Variants in EHBP1 observed in about 807,000 individuals in gnomAD.
EHBP1 encodes the protein EH domain binding protein 1.
In EHBP1, 55 loss-of-function variants were observed where a neutral mutation model predicts 144.0. The ratio of observed to expected loss-of-function variants is 0.38; its 90% CI spans 0.31 to 0.48. The LOEUF is 0.48. EHBP1 is among the 20% of genes least tolerant of loss of function. The pLI is 0.98. For missense variants in EHBP1, 1,200 were observed against 1,364.2 expected (o/e 0.88, Z 1.90); for synonymous variants, 469 against 472.7 (o/e 0.99, Z 0.10).
At chr2:62,690,316 C>T (rs1373240413) in intron 1 of EHBP1, among the ~76,000 whole-genome samples, 1 of 152,146 alleles carries the variant, frequency 6.6e-6, no homozygotes, top group Non-Finnish European at 1.5e-5. Flanking sequence ...GTAATCCCTG[C>T]ACTTTGAGAG....
intron 2 of EHBP1, among the ~76,000 whole-genome samples, chr2:62,725,847 G>T (rs1380966932): frequency 6.6e-6 from 1 of 152,138 alleles, no homozygotes; most frequent in Non-Finnish European, 1.5e-5. Flanking sequence ...GTGTGGGGAG[G>T]AAGCAGGTAG....
At chr2:63,028,540 C>A (rs906922797) in intron 19 of EHBP1, among the ~76,000 whole-genome samples, 13 of 151,960 alleles carry the variant, frequency 8.6e-5, no homozygotes, top group African/African-American at 3.1e-4. Context: ...GTACCTGATA[C>A]TACAGGCATG....
chr2:62,835,878 C>A (rs2047193878), intron 7 of EHBP1, among the ~76,000 whole-genome samples: 1 of 152,164 alleles, frequency 6.6e-6, no homozygotes, highest in Non-Finnish European at 1.5e-5. Context: ...GCACAGCAGT[C>A]TGAGATCAAA....
At chr2:62,722,055 T>C (rs2036275535) in intron 2 of EHBP1, among the ~76,000 whole-genome samples, 1 of 152,202 alleles carries the variant, frequency 6.6e-6, no homozygotes, top group South Asian at 2.1e-4. Flanking sequence ...ATTTTTTTCT[T>C]AACATTTAAG....
At chr2:62,722,977 A>T (rs748679317) in intron 2 of EHBP1, among the ~76,000 whole-genome samples, 5 of 152,158 alleles carry the variant, frequency 3.3e-5, no homozygotes, top group Non-Finnish European at 1.5e-5. Flanking sequence ...AAGAATGTAT[A>T]TTCTGTTGTT....
intron 5 of EHBP1, among the ~76,000 whole-genome samples, chr2:62,822,529 A>G: frequency 6.6e-6 from 1 of 152,158 alleles, no homozygotes; most frequent in Non-Finnish European, 1.5e-5. Flanking sequence ...TAAATACTCT[A>G]ATTATTTTCA....
At chr2:62,682,823 T>C (rs556799197) in intron 1 of EHBP1, among the ~76,000 whole-genome samples, 1 of 152,296 alleles carries the variant, frequency 6.6e-6, no homozygotes, top group African/African-American at 2.4e-5. Flanking sequence ...AGTCAAAGAA[T>C]AAGATTAGTA....
chr2:62,722,280 T>A (rs1388499556), intron 2 of EHBP1, among the ~76,000 whole-genome samples: 1 of 152,008 alleles, frequency 6.6e-6, no homozygotes, highest in African/African-American at 2.4e-5. Context: ...TATAGGTGCA[T>A]ACCACCACAC....
chr2:62,931,960 G>A (rs1220124083), intron 10 of EHBP1, among the ~76,000 whole-genome samples: 1 of 151,932 alleles, frequency 6.6e-6, no homozygotes, highest in Non-Finnish European at 1.5e-5. Flanking sequence ...GGGAGCATCA[G>A]TCAGTCAGGA....
intron 6 of EHBP1, 119 bp from the exon 7 acceptor site, chr2:62,830,900 A>G (rs1200321268): frequency 1.2e-5 from 12 of 1,019,612 alleles, no homozygotes; most frequent in South Asian, 8.6e-5. Flanking sequence ...TGTGCAACTG[A>G]TAAGAAAGAC....
At chr2:62,789,196 C>A (rs1158499142) in intron 5 of EHBP1, among the ~76,000 whole-genome samples, 1 of 152,124 alleles carries the variant, frequency 6.6e-6, no homozygotes, top group Non-Finnish European at 1.5e-5. Context: ...TGTGAGACTG[C>A]ATAGCCATTT....
At chr2:63,015,823 C>A (rs2060464302) in intron 19 of EHBP1, among the ~76,000 whole-genome samples, 1 of 151,980 alleles carries the variant, frequency 6.6e-6, no homozygotes, top group African/African-American at 2.4e-5. Flanking sequence ...AAATTGTTTT[C>A]TAATATGATA....
At chr2:62,858,442 A>G (rs2049247308) in intron 7 of EHBP1, 6 of 1,611,402 alleles carry the variant, frequency 3.7e-6, no homozygotes, top group Non-Finnish European at 5.1e-6. Context: ...AGCAGCTTAG[A>G]TGAAGATCAA....
chr2:62,742,260 T>C (rs917554781), intron 2 of EHBP1, among the ~76,000 whole-genome samples: 1 of 152,028 alleles, frequency 6.6e-6, no homozygotes, highest in African/African-American at 2.4e-5. Flanking sequence ...TACAAGAGGA[T>C]GTGTATAGGT....
At chr2:62,724,721 T>C (rs2036575261) in intron 2 of EHBP1, among the ~76,000 whole-genome samples, 1 of 152,028 alleles carries the variant, frequency 6.6e-6, no homozygotes, top group Non-Finnish European at 1.5e-5. Context: ...AGTACCAGTC[T>C]ATGGCCTGTT....
At chr2:62,845,685 A>G (rs1206296426) in intron 7 of EHBP1, among the ~76,000 whole-genome samples, 1 of 150,426 alleles carries the variant, frequency 6.6e-6, no homozygotes, top group Non-Finnish European at 1.5e-5. Flanking sequence ...TAGGATTGTT[A>G]TGGGCTCAAT....
intron 13 of EHBP1, among the ~76,000 whole-genome samples, chr2:62,952,815 A>G (rs897136390): frequency 7.9e-5 from 12 of 152,228 alleles, no homozygotes; most frequent in African/African-American, 2.7e-4. Context: ...CCCAAATATA[A>G]TGTGGTCAAC....
chr2:62,762,873 C>G (rs1317015734), intron 3 of EHBP1, among the ~76,000 whole-genome samples: 1 of 152,132 alleles, frequency 6.6e-6, no homozygotes, highest in African/African-American at 2.4e-5. Context: ...CCTTGAAACC[C>G]TCCAGTGGCT....
intron 15 of EHBP1, among the ~76,000 whole-genome samples, chr2:62,987,268 T>A (rs2059237932): frequency 6.6e-6 from 1 of 152,172 alleles, no homozygotes; most frequent in African/African-American, 2.4e-5. Flanking sequence ...TTACTAGGGA[T>A]ATAAAAAATT....
Sources: allele counts gnomAD v4.1 joint callset (sites outside exome capture counted in the v4.1 genomes callset), GRCh38; gene constraint gnomAD v4.1.1; transcripts MANE v1.5; gene names NCBI Gene and HGNC (gene_info 2026-07-23, HGNC 2026-07-21).